Variants in KIF26B observed in about 807,000 individuals in gnomAD.
The protein encoded by KIF26B is kinesin family member 26B.
In KIF26B, 63 loss-of-function variants were observed where a neutral mutation model predicts 151.2. That is an observed-to-expected ratio of 0.42 (90% CI 0.34 to 0.51). The LOEUF (loss-of-function observed/expected upper bound fraction) is 0.51, where lower values mean the gene tolerates loss of function less well. Among genes scored for constraint, KIF26B ranks in the 20% least tolerant of loss-of-function variants. KIF26B has a pLI of 0.07. For synonymous variants in KIF26B, 1,357 were observed against 1,262.1 expected (o/e 1.08, Z -1.59); for missense variants, 2,813 against 2,913.6 (o/e 0.97, Z 0.79).
In KIF26B at chr1:245,471,756, G is replaced by C. The variant is rs1340134029; in HGVS notation, c.1166+52011G>C. ...TGATTCCAGGTGCTTCAGTATAATAGAGCAATAAAGACAAGCCCCCTGCTC... is the reference window on the plus strand; with the variant it reads ...TGATTCCAGGTGCTTCAGTATAATACAGCAATAAAGACAAGCCCCCTGCTC... On this transcript the variant is annotated intron_variant, in intron 4 of 14. Coordinates refer to ENST00000407071, the MANE Select transcript of KIF26B (RefSeq NM_018012.4). Among the ~76,000 whole-genome samples, 8 of 151,052 alleles carry C rather than the reference G, an allele frequency of 5.3e-5. No homozygotes were observed. The South Asian group carries it at 1.3e-3, about 24-fold the overall frequency.
intron 5 of KIF26B, among the ~76,000 whole-genome samples, chr1:245,578,997 A>G (rs2043150176): frequency 6.6e-6 from 1 of 152,208 alleles, no homozygotes; most frequent in Non-Finnish European, 1.5e-5. Context: ...ATGCTACTAG[A>G]AACTGTGGTT....
At chr1:245,699,601 G>T (rs1436413183) in intron 14 of KIF26B, among the ~76,000 whole-genome samples, 2 of 95,914 alleles carry the variant, frequency 2.1e-5, no homozygotes, top group African/African-American at 3.2e-5. Context: ...CTCTTTGAAA[G>T]GTGGATTCAA....
intron 5 of KIF26B, among the ~76,000 whole-genome samples, chr1:245,573,437 C>T (rs1282274334): frequency 1.3e-5 from 2 of 152,066 alleles, no homozygotes; most frequent in East Asian, 1.9e-4. Flanking sequence ...GCAGAAGAAT[C>T]GCTTGAACCC....
chr1:245,302,349 T>C (rs1252037595), intron 2 of KIF26B, among the ~76,000 whole-genome samples: 1 of 152,250 alleles, frequency 6.6e-6, no homozygotes, highest in Non-Finnish European at 1.5e-5. Context: ...AAGCTCATAA[T>C]GTGGTGAAGA....
At chr1:245,691,034 G>C (rs943135034) in intron 12 of KIF26B, among the ~76,000 whole-genome samples, 4 of 152,232 alleles carry the variant, frequency 2.6e-5, no homozygotes, top group African/African-American at 9.6e-5. Context: ...CCAGATGACT[G>C]TGTGGCATCG....
chr1:245,264,801 G>A (rs1670711297), intron 2 of KIF26B, among the ~76,000 whole-genome samples: 1 of 151,822 alleles, frequency 6.6e-6, no homozygotes, highest in Non-Finnish European at 1.5e-5. Context: ...GCTGACGTAG[G>A]AGAATGGTGT....
chr1:245,257,100 C>T (rs149443564), intron 2 of KIF26B, among the ~76,000 whole-genome samples: 2,057 of 152,272 alleles, frequency 0.014, 39 homozygotes, highest in African/African-American at 0.037. Context: ...TATCTTAACC[C>T]AGACACTCCC....
chr1:245,577,151 A>C (rs775916967), intron 5 of KIF26B, among the ~76,000 whole-genome samples: 3 of 152,194 alleles, frequency 2.0e-5, no homozygotes, highest in Non-Finnish European at 4.4e-5. Flanking sequence ...CAGGTGAGAA[A>C]ACAAATCTAG....
chr1:245,327,722 C>T (rs1046179515), intron 2 of KIF26B, among the ~76,000 whole-genome samples: 1 of 152,204 alleles, frequency 6.6e-6, no homozygotes, highest in South Asian at 2.1e-4. Flanking sequence ...AGAGTCTAGC[C>T]TCTGACATCT....
intron 4 of KIF26B, among the ~76,000 whole-genome samples, chr1:245,471,184 A>G (rs1456142163): frequency 1.3e-5 from 2 of 151,832 alleles, no homozygotes; most frequent in African/African-American, 4.8e-5. Flanking sequence ...AGACTGGAGT[A>G]CAGTGGCACC....
At chr1:245,190,639 G>GTTTTT (rs56019423) in intron 2 of KIF26B, among the ~76,000 whole-genome samples, 1 of 140,118 alleles carries the variant, frequency 7.1e-6, no homozygotes, top group Non-Finnish European at 1.5e-5. Context: ...GTTTTGTTTT[G>GTTTTT]TTTTTTTTTT....
chr1:245,677,029 C>T (rs1341051630), intron 10 of KIF26B, among the ~76,000 whole-genome samples: 1 of 152,194 alleles, frequency 6.6e-6, no homozygotes, highest in Non-Finnish European at 1.5e-5. Context: ...GCTGCTTGCA[C>T]CTCAGGGTTC....
At chr1:245,362,909 G>A (rs930608294) in intron 2 of KIF26B, among the ~76,000 whole-genome samples, 2 of 152,210 alleles carry the variant, frequency 1.3e-5, no homozygotes, top group African/African-American at 4.8e-5. Context: ...TGTTGCCCAA[G>A]TGCCAATAAA....
At chr1:245,439,019 G>A (rs1659000175) in intron 4 of KIF26B, among the ~76,000 whole-genome samples, 1 of 152,154 alleles carries the variant, frequency 6.6e-6, no homozygotes, top group Non-Finnish European at 1.5e-5. Flanking sequence ...ATCAAAGTGT[G>A]CAGTTTATTA....
intron 3 of KIF26B, among the ~76,000 whole-genome samples, chr1:245,388,545 C>G (rs1156755978): frequency 6.6e-6 from 1 of 152,150 alleles, no homozygotes; most frequent in Non-Finnish European, 1.5e-5. Flanking sequence ...AGGATATTTT[C>G]CCCATAAACA....
intron 4 of KIF26B, among the ~76,000 whole-genome samples, chr1:245,423,376 G>A (rs905165672): frequency 2.6e-5 from 4 of 152,104 alleles, no homozygotes; most frequent in African/African-American, 4.8e-5. Flanking sequence ...CCACATAGCC[G>A]GGAGTGGCGG....
chr1:245,284,280 T>C (rs1671126682), intron 2 of KIF26B, among the ~76,000 whole-genome samples: 1 of 152,232 alleles, frequency 6.6e-6, no homozygotes, highest in Non-Finnish European at 1.5e-5. Flanking sequence ...GCTACAGTAA[T>C]TTTAAAATTA....
At chr1:245,503,635 G>T (rs180829955) in intron 4 of KIF26B, among the ~76,000 whole-genome samples, 4 of 152,294 alleles carry the variant, frequency 2.6e-5, no homozygotes, top group East Asian at 1.9e-4. Flanking sequence ...AAGATAAAGG[G>T]CATCCCAGCA....
In KIF26B at chr1:245,708,562, G is replaced by C. The variant is rs2044869561; in HGVS notation, c.*5956G>C. ...CTGAGTTCTAATTCCAGCTTTGCCA[G>C]TCGTCCCGTCCGTGATATATTCCAT... is the stretch of plus-strand genomic sequence containing the variant. On this transcript the variant is annotated 3_prime_UTR_variant, in exon 15 of 15. Transcript: ENST00000407071. 1 of 152,190 alleles carries C rather than the reference G, an allele frequency of 6.6e-6. No homozygotes were observed. The highest frequency in any genetic ancestry group is 2.1e-4 in the South Asian group (1 of 4,826). 9.4% of individuals were successfully genotyped at this position (152,190 alleles called of 1,614,324 possible).
Sources: gnomAD v4.1 joint callset for allele counts (sites outside exome capture counted in the v4.1 genomes callset) on GRCh38, gnomAD v4.1.1 for gene constraint, MANE v1.5 for transcripts, NCBI Gene and HGNC (gene_info 2026-07-23, HGNC 2026-07-21) for gene names.